SPRED2: variants seen among roughly 807,000 people sequenced by gnomAD.
The protein encoded by SPRED2 is sprouty-related, EVH1 domain-containing protein 2.
In SPRED2, 47 loss-of-function variants were observed where a neutral mutation model predicts 43.0. That is an observed-to-expected ratio of 1.09 (90% CI 0.87 to 1.40). The LOEUF is 1.40. SPRED2 is among the 40% of genes most tolerant of loss of function. The pLI, the probability that SPRED2 is intolerant of heterozygous loss-of-function variation, is 0.00. For missense variants in SPRED2, 561 were observed against 586.4 expected (o/e 0.96, Z 0.45); for synonymous variants, 225 against 225.7 (o/e 1.00, Z 0.03).
In SPRED2 at chr2:65,314,143, C is replaced by A. The variant is rs1414829966; in HGVS notation, c.615G>T (p.Val205=). 1.2e-6 allele frequency: 2 copies of A among 1,600,092 alleles called. No individual in the cohort carries two copies. Among genetic ancestry groups the A allele is most frequent in the Non-Finnish European group, 1.7e-6 (2 of 1,168,712 alleles). ...DQPMPRPYRQ[V]SFPDDDEEIV... is the part of the protein sequence containing the mutation. ...TCTCCTCGTCGTCGTCCGGGAAGCT[C>A]ACCTGGCGGTAGGGCCTTGGCATCG... Residue 205 remains valine (V), a synonymous_variant, in exon 6 of 6, where the codon GTG becomes GTT. Coordinates refer to ENST00000356388, the MANE Select transcript of SPRED2 (RefSeq NM_181784.3).
intron 4 of SPRED2, among the ~76,000 whole-genome samples, chr2:65,322,001 C>T (rs1218390703): frequency 6.6e-6 from 1 of 151,890 alleles, no homozygotes; most frequent in Non-Finnish European, 1.5e-5. Context: ...TCTCCAACTC[C>T]TGAGCTCAGG....
At chr2:65,376,042 G>C (rs2103625040) in intron 1 of SPRED2, among the ~76,000 whole-genome samples, 1 of 152,330 alleles carries the variant, frequency 6.6e-6, no homozygotes, top group Non-Finnish European at 1.5e-5. Flanking sequence ...AGGTAAGCAA[G>C]AGAGACTGGG....
intron 1 of SPRED2, among the ~76,000 whole-genome samples, chr2:65,370,463 G>C (rs1465536421): frequency 6.6e-6 from 1 of 152,178 alleles, no homozygotes; most frequent in Non-Finnish European, 1.5e-5. Context: ...GAGCAGCTGT[G>C]ACAGAAACCA....
intron 1 of SPRED2, among the ~76,000 whole-genome samples, chr2:65,366,305 A>AAC (rs1558670912): frequency 6.6e-6 from 1 of 151,436 alleles, no homozygotes; most frequent in Non-Finnish European, 1.5e-5. Flanking sequence ...TAATAATAAA[A>AAC]AACAACAACA....
In SPRED2 at chr2:65,312,100, A is replaced by G. The variant is rs1361381123; in HGVS notation, c.*1401T>C. 1.0e-6 allele frequency: 1 copy of G among 985,322 alleles called. No individual in the cohort carries two copies. The highest frequency in any genetic ancestry group is 1.7e-5 in the African/African-American group (1 of 57,230). 61.0% of individuals were successfully genotyped at this position (985,322 alleles called of 1,614,324 possible). On this transcript the variant is annotated 3_prime_UTR_variant, in exon 6 of 6. Coordinates refer to ENST00000356388, the MANE Select transcript of SPRED2 (RefSeq NM_181784.3). ...TCTTCACTTTTCTTCTTTCTTCAAT[A>G]AGAAGATTTGGCTAATCCTTGCAAC...
intron 4 of SPRED2, among the ~76,000 whole-genome samples, chr2:65,322,035 A>G (rs1673428671): frequency 6.6e-6 from 1 of 151,634 alleles, no homozygotes; most frequent in Non-Finnish European, 1.5e-5. Context: ...TTGTCCTCCT[A>G]AAGTGCCAGG....
At chr2:65,430,056 G>C (rs1418194004) in intron 1 of SPRED2, among the ~76,000 whole-genome samples, 1 of 152,188 alleles carries the variant, frequency 6.6e-6, no homozygotes. Flanking sequence ...CCAAGAATCT[G>C]CAAGGCCAGA....
At chr2:65,368,319 T>C (rs557493824) in intron 1 of SPRED2, among the ~76,000 whole-genome samples, 1 of 152,352 alleles carries the variant, frequency 6.6e-6, no homozygotes, top group South Asian at 2.1e-4. Context: ...TGCATGGGCC[T>C]CAACTGAAGA....
downstream of SPRED2, among the ~76,000 whole-genome samples, chr2:65,309,984 C>T (rs1227133064): frequency 6.6e-6 from 1 of 152,172 alleles, no homozygotes; most frequent in African/African-American, 2.4e-5. Context: ...CGCAGTTTAC[C>T]TGTTACTCAC....
intron 1 of SPRED2, among the ~76,000 whole-genome samples, chr2:65,383,479 T>G (rs1675424096): frequency 6.6e-6 from 1 of 152,224 alleles, no homozygotes; most frequent in South Asian, 2.1e-4. Flanking sequence ...AGGGCCCTCT[T>G]CAGCTATTAC....
chr2:65,384,599 AG>A (rs1160059666), intron 1 of SPRED2, among the ~76,000 whole-genome samples: 1 of 152,198 alleles, frequency 6.6e-6, no homozygotes, highest in Non-Finnish European at 1.5e-5. Flanking sequence ...CCGTGAGGCC[AG>A]CCCCTTCCCC....
rs1673129472 is a variant in SPRED2 at position 65,313,477 on chromosome 2, G to C, written c.*24C>G. The C allele has an allele frequency of 1.3e-6, 2 of 1,577,662 alleles. No individual in the cohort carries two copies. The highest frequency in any genetic ancestry group is 1.7e-6 in the Non-Finnish European group (2 of 1,162,798). On this transcript the variant is annotated 3_prime_UTR_variant, in exon 6 of 6. Transcript: ENST00000356388. ...ACGAGTTCCCCTGTGGCTGCGGATG[G>C]AGGGAGAAGGGAGGGAAACTGAGTC...
chr2:65,318,214 C>T (rs7601094), intron 4 of SPRED2, among the ~76,000 whole-genome samples: 37,912 of 152,092 alleles, frequency 0.25, 6,267 homozygotes, highest in East Asian at 0.76. Flanking sequence ...TCTTGCCTTC[C>T]GCCATGATTG....
intron 1 of SPRED2, among the ~76,000 whole-genome samples, chr2:65,405,985 T>G (rs1306001280): frequency 1.3e-5 from 2 of 152,190 alleles, no homozygotes; most frequent in African/African-American, 2.4e-5. Flanking sequence ...TTCCTGGCAC[T>G]CATTTGGAGG....
At position 65,334,624 on chromosome 2, in the gene SPRED2, T is replaced by C; in HGVS notation, c.354A>G (p.Ala118=). 6.2e-7 allele frequency: 1 copy of C among 1,614,248 alleles called. No individual in the cohort carries two copies. The highest frequency in any genetic ancestry group is 8.5e-7 in the Non-Finnish European group (1 of 1,180,036). Residue 118 remains alanine, a synonymous_variant, in exon 3 of 6, where the codon GCA becomes GCG. Transcript: ENST00000356388. ...ARAFDRGVRK[A]IEDLIEGSTT... ...CAATACCTTCTATAAGGTCTTCGAT[T>C]GCTTTCCTTACTCCCCTGTCAAAGG...
chr2:65,337,173 A>C (rs1406310998), intron 2 of SPRED2, among the ~76,000 whole-genome samples: 1 of 152,184 alleles, frequency 6.6e-6, no homozygotes, highest in Non-Finnish European at 1.5e-5. Context: ...GGGAAATCAG[A>C]TACCATCTCT....
chr2:65,376,813 T>C (rs967161192), intron 1 of SPRED2, among the ~76,000 whole-genome samples: 12 of 152,190 alleles, frequency 7.9e-5, no homozygotes, highest in Admixed American at 1.3e-4. Context: ...CTCCCGGGTT[T>C]ACGCCATTCT....
intron 1 of SPRED2, among the ~76,000 whole-genome samples, chr2:65,345,259 G>GTTTTTTTTTTTTTTTTTTTTT (rs66991368): frequency 9.0e-6 from 1 of 111,344 alleles, no homozygotes; most frequent in Non-Finnish European, 1.8e-5. Flanking sequence ...TTTAGTTGTT[G>GTTTTTTTTTTTTTTTTTTTTT]TTTTTTTTTT....
chr2:65,388,302 G>A (rs1157345525), intron 1 of SPRED2, among the ~76,000 whole-genome samples: 2 of 152,224 alleles, frequency 1.3e-5, no homozygotes, highest in African/African-American at 2.4e-5. Context: ...TAGAGATCGC[G>A]TGTCTCCTAT....
Sources: gnomAD v4.1 joint callset for allele counts (sites outside exome capture counted in the v4.1 genomes callset) on GRCh38, gnomAD v4.1.1 for gene constraint, MANE v1.5 for transcripts, NCBI Gene and HGNC (gene_info 2026-07-23, HGNC 2026-07-21) for gene names.